PARD3: variants seen among roughly 807,000 people sequenced by gnomAD.
The protein encoded by PARD3 is par-3 family cell polarity regulator.
In PARD3, 75 loss-of-function variants were observed where a neutral mutation model predicts 155.4. The observed-to-expected ratio is 0.48, with a 90% confidence interval of 0.40 to 0.58. PARD3 has a LOEUF of 0.58. Among genes scored for constraint, PARD3 ranks in the 20% least tolerant of loss-of-function variants. The pLI, the probability that PARD3 is intolerant of heterozygous loss-of-function variation, is 0.00. For synonymous variants in PARD3, 576 were observed against 610.5 expected (o/e 0.94, Z 0.83); for missense variants, 1,642 against 1,721.7 (o/e 0.95, Z 0.82).
rs16935325 is a variant in PARD3 at position 34,328,930 on chromosome 10, A to G, written c.2833+2187T>C. Among the ~76,000 whole-genome samples, 628 of 152,280 alleles carry G rather than the reference A, an allele frequency of 4.1e-3. 3 individuals are homozygous for G. Among genetic ancestry groups the G allele is most frequent in the African/African-American group, 8.9e-3 (369 of 41,558 alleles). On this transcript the variant is annotated intron_variant, in intron 19 of 24. Transcript: ENST00000374788. ...AAAAACAGGACTTTTGAAAAATACAACATTTGGTGGTTGTAGGTGCAGCGT... is the reference window on the plus strand; with the variant it reads ...AAAAACAGGACTTTTGAAAAATACAGCATTTGGTGGTTGTAGGTGCAGCGT...
chr10:34,250,283 A>G (rs565427358), intron 22 of PARD3, among the ~76,000 whole-genome samples: 8 of 152,330 alleles, frequency 5.3e-5, no homozygotes, highest in Middle Eastern at 3.4e-3. Context: ...CTCAGAGATG[A>G]AAGAGCATAA....
At chr10:34,561,336 C>A (rs1054991689) in intron 2 of PARD3, among the ~76,000 whole-genome samples, 2 of 152,108 alleles carry the variant, frequency 1.3e-5, no homozygotes, top group Non-Finnish European at 1.5e-5. Context: ...TAAAGGTTTA[C>A]CAACTGCTTT....
intron 5 of PARD3, among the ~76,000 whole-genome samples, chr10:34,414,158 G>A (rs1379108470): frequency 1.3e-5 from 2 of 151,546 alleles, no homozygotes; most frequent in Non-Finnish European, 1.5e-5. Context: ...TATTCATGCC[G>A]CTGCACTCCA....
At position 34,555,284 on chromosome 10, in the gene PARD3, A is replaced by G. The variant is rs2084898164; in HGVS notation, c.223-38125T>C. 2.0e-5 allele frequency among the ~76,000 whole-genome samples: 3 copies of G among 152,194 alleles called. No individual in the cohort carries two copies. The South Asian group carries it at 6.2e-4, about 32-fold the overall frequency. Reference sequence around the variant, plus strand: ...CTGTAAACCTAACATTGCTCTAAAAAATAAAGTCCTTTTTTTTAAGGCCCT... The same window carrying G: ...CTGTAAACCTAACATTGCTCTAAAAGATAAAGTCCTTTTTTTTAAGGCCCT... On this transcript the variant is annotated intron_variant, in intron 2 of 24. Transcript: ENST00000374788.
At chr10:34,375,729 C>T (rs540841838) in intron 10 of PARD3, among the ~76,000 whole-genome samples, 1 of 152,162 alleles carries the variant, frequency 6.6e-6, no homozygotes, top group South Asian at 2.1e-4. Flanking sequence ...AGGTATTCTA[C>T]ATTTTTCTTT....
intron 22 of PARD3, among the ~76,000 whole-genome samples, chr10:34,177,407 A>C (rs897539749): frequency 1.3e-5 from 2 of 152,142 alleles, no homozygotes; most frequent in African/African-American, 4.8e-5. Flanking sequence ...GATCTGATGG[A>C]ATAAGATAAA....
In PARD3 at chr10:34,420,112, C is replaced by T. The variant is rs114986123; in HGVS notation, c.715-18195G>A. 3.6e-3 allele frequency among the ~76,000 whole-genome samples: 549 copies of T among 152,264 alleles called. 1 individual carries two copies. The highest frequency in any genetic ancestry group is 0.013 in the African/African-American group (530 of 41,572). ...TACTACAGATGCATGCCACCACACT[C>T]GTCTGATATTTTTAAAATTTTTGCA... On this transcript the variant is annotated intron_variant, in intron 5 of 24. Transcript: ENST00000374788.
intron 20 of PARD3, among the ~76,000 whole-genome samples, chr10:34,289,995 C>T (rs960652304): frequency 2.6e-5 from 4 of 152,168 alleles, no homozygotes; most frequent in African/African-American, 9.7e-5. Context: ...TAACTACTGG[C>T]AAGTTTCCTT....
chr10:34,697,528 T>C (rs1029982622), intron 1 of PARD3, among the ~76,000 whole-genome samples: 17 of 152,158 alleles, frequency 1.1e-4, no homozygotes, highest in African/African-American at 4.1e-4. Flanking sequence ...AGTCCATCTC[T>C]AACAAAGCAT....
At chr10:34,666,364 T>C (rs1774382525) in intron 2 of PARD3, among the ~76,000 whole-genome samples, 1 of 152,154 alleles carries the variant, frequency 6.6e-6, no homozygotes, top group Non-Finnish European at 1.5e-5. Flanking sequence ...TTCCAATTAC[T>C]ATTGAGTTTC....
chr10:34,598,431 C>A (rs2089482667), intron 2 of PARD3, among the ~76,000 whole-genome samples: 2 of 152,086 alleles, frequency 1.3e-5, no homozygotes. Flanking sequence ...CCACCCTTGA[C>A]TTATATATCT....
chr10:34,143,277 C>T (rs959277120), intron 22 of PARD3, among the ~76,000 whole-genome samples: 2 of 151,414 alleles, frequency 1.3e-5, no homozygotes, highest in Non-Finnish European at 3.0e-5. Flanking sequence ...TGCCACCGCA[C>T]CCCAGCCTGG....
intron 2 of PARD3, among the ~76,000 whole-genome samples, chr10:34,584,610 C>A (rs1348370264): frequency 6.6e-6 from 1 of 152,050 alleles, no homozygotes; most frequent in African/African-American, 2.4e-5. Flanking sequence ...TGAAAACAAA[C>A]GTTACCTGAC....
chr10:34,498,277 G>A (rs564562782), intron 3 of PARD3, among the ~76,000 whole-genome samples: 3 of 152,302 alleles, frequency 2.0e-5, no homozygotes, highest in South Asian at 2.1e-4. Flanking sequence ...AAAAGTCTGA[G>A]GGAGATGCAT....
At chr10:34,484,679 T>C (rs1051157956) in intron 3 of PARD3, among the ~76,000 whole-genome samples, 3 of 152,182 alleles carry the variant, frequency 2.0e-5, no homozygotes, top group Admixed American at 6.5e-5. Flanking sequence ...CTGGAGAATG[T>C]AGACATGATC....
At chr10:34,605,057 T>C (rs1464870546) in intron 2 of PARD3, among the ~76,000 whole-genome samples, 3 of 152,236 alleles carry the variant, frequency 2.0e-5, no homozygotes, top group Middle Eastern at 6.8e-3. Flanking sequence ...TATTATTATA[T>C]GTTTCCTGCT....
chr10:34,759,466 T>A (rs1837163816), intron 1 of PARD3, among the ~76,000 whole-genome samples: 1 of 152,220 alleles, frequency 6.6e-6, no homozygotes, highest in African/African-American at 2.4e-5. Context: ...GTGACTGGTA[T>A]CTATTCCACG....
intron 5 of PARD3, among the ~76,000 whole-genome samples, chr10:34,428,593 G>C (rs1354962660): frequency 6.6e-6 from 1 of 152,144 alleles, no homozygotes; most frequent in Admixed American, 6.5e-5. Flanking sequence ...AAATACAGTT[G>C]AAAATGATGT....
intron 15 of PARD3, chr10:34,346,285 A>G: frequency 8.1e-7 from 1 of 1,236,828 alleles, no homozygotes. Context: ...CAACTCATAT[A>G]TACAGCATTT....
Sources: gnomAD v4.1 joint callset for allele counts (sites outside exome capture counted in the v4.1 genomes callset) on GRCh38, gnomAD v4.1.1 for gene constraint, MANE v1.5 for transcripts, NCBI Gene and HGNC (gene_info 2026-07-23, HGNC 2026-07-21) for gene names.